GRIP1: variants seen among roughly 807,000 people sequenced by gnomAD.
GRIP1 encodes the protein glutamate receptor-interacting protein 1.
GRIP1 carries 45 observed loss-of-function variants against 129.9 expected under a neutral mutation model. The observed-to-expected ratio is 0.35, with a 90% CI of 0.27 to 0.44. The LOEUF is 0.44. Ranked by LOEUF, GRIP1 falls within the 20% of genes least tolerant of loss-of-function variation. The pLI is 1.00. For missense variants in GRIP1, 1,196 were observed against 1,396.8 expected (o/e 0.86, Z 2.29); for synonymous variants, 530 against 520.8 (o/e 1.02, Z -0.24).
intron 1 of GRIP1, among the ~76,000 whole-genome samples, chr12:66,625,258 C>T (rs1283646302): frequency 6.6e-6 from 1 of 152,132 alleles, no homozygotes; most frequent in Non-Finnish European, 1.5e-5. Flanking sequence ...TTATCATTTA[C>T]ATTATTGTCT....
chr12:66,704,740 A>C (rs2035469514), intron 1 of GRIP1, among the ~76,000 whole-genome samples: 1 of 152,076 alleles, frequency 6.6e-6, no homozygotes, highest in Non-Finnish European at 1.5e-5. Context: ...ATTTATCCTA[A>C]AGAAACACAG....
intron 16 of GRIP1, among the ~76,000 whole-genome samples, chr12:66,397,766 T>G (rs1443530022): frequency 6.6e-6 from 1 of 152,194 alleles, no homozygotes; most frequent in Non-Finnish European, 1.5e-5. Context: ...GAAACCAGAC[T>G]GAGAGTGGAG....
chr12:67,043,059 G>A (rs1345765847), intron 1 of GRIP1, among the ~76,000 whole-genome samples: 2 of 152,110 alleles, frequency 1.3e-5, no homozygotes, highest in Non-Finnish European at 2.9e-5. Context: ...GAGTAGATAA[G>A]GGCTGGCAGG....
intron 1 of GRIP1, among the ~76,000 whole-genome samples, chr12:66,764,959 C>T (rs1453358318): frequency 2.6e-5 from 4 of 152,260 alleles, no homozygotes; most frequent in East Asian, 1.9e-4. Context: ...ATTAGCTCAT[C>T]GAATCCTTAC....
At chr12:66,673,327 C>T (rs10878494) in intron 1 of GRIP1, among the ~76,000 whole-genome samples, 30,258 of 152,146 alleles carry the variant, frequency 0.2, 3,303 homozygotes, top group South Asian at 0.3. Context: ...ATCCTTATTT[C>T]CATTCTTCCT....
chr12:66,351,193 A>G (rs1263633177), intron 24 of GRIP1, among the ~76,000 whole-genome samples: 2 of 152,230 alleles, frequency 1.3e-5, no homozygotes, highest in East Asian at 1.9e-4. Flanking sequence ...TTCAGCGAAC[A>G]CATCCCTGAA....
intron 2 of GRIP1, among the ~76,000 whole-genome samples, chr12:66,575,031 GAA>G (rs2063096923): frequency 6.6e-6 from 1 of 151,824 alleles, no homozygotes; most frequent in African/African-American, 2.4e-5. Context: ...CTCAGCCTCC[GAA>G]AGTATTGGGA....
At chr12:66,486,469 C>A (rs1028399512) in intron 7 of GRIP1, among the ~76,000 whole-genome samples, 1 of 152,066 alleles carries the variant, frequency 6.6e-6, no homozygotes, top group South Asian at 2.1e-4. Context: ...GTGGGAGGAA[C>A]CTGGTGGGAG....
chr12:66,496,991 T>G (rs927128324), intron 7 of GRIP1, among the ~76,000 whole-genome samples: 2 of 152,192 alleles, frequency 1.3e-5, no homozygotes, highest in Non-Finnish European at 2.9e-5. Context: ...TACTACTACC[T>G]TTGGAGTTCT....
At chr12:66,435,447 G>A (rs934307774) in intron 13 of GRIP1, among the ~76,000 whole-genome samples, 8 of 152,176 alleles carry the variant, frequency 5.3e-5, no homozygotes, top group South Asian at 2.1e-4. Context: ...CAAGTGATCC[G>A]TCCACCTCAG....
Position 66,420,743 on chromosome 12 carries a change from G to T in GRIP1, c.1815C>A (p.Ile605=). Residue 605 remains isoleucine, a synonymous_variant, in exon 15 of 25, where the codon ATC becomes ATA. Coordinates refer to ENST00000359742, the MANE Select transcript of GRIP1 (RefSeq NM_001366722.1). ...ACCTGTGTGCCACACTCCCTTTCTT[G>T]ATATCTGAAATGACGAGGGGGTCTC... The part of the protein sequence containing the change: ...KPGDPLVISD[I]KKGSVAHRTG... The T allele has an allele frequency of 6.3e-7, 1 of 1,583,430 alleles. No individual in the cohort carries two copies. The highest frequency in any genetic ancestry group is 8.7e-7 in the Non-Finnish European group (1 of 1,151,790).
At chr12:66,650,857 C>A (rs1565942004) in intron 1 of GRIP1, among the ~76,000 whole-genome samples, 1 of 152,176 alleles carries the variant, frequency 6.6e-6, no homozygotes, top group Non-Finnish European at 1.5e-5. Context: ...GGCTCTGACA[C>A]CACACTGACC....
At chr12:67,038,451 T>C (rs1208321190) in intron 1 of GRIP1, among the ~76,000 whole-genome samples, 1 of 152,220 alleles carries the variant, frequency 6.6e-6, no homozygotes, top group Non-Finnish European at 1.5e-5. Context: ...TTTCACAATG[T>C]ACATTGATAT....
chr12:67,029,946 T>C (rs1469436750), intron 1 of GRIP1, among the ~76,000 whole-genome samples: 1 of 151,144 alleles, frequency 6.6e-6, no homozygotes, highest in Non-Finnish European at 1.5e-5. Context: ...ACGCCTGTAA[T>C]CCCAGCACTT....
At chr12:66,393,911 T>G (rs2056689686) in intron 17 of GRIP1, among the ~76,000 whole-genome samples, 1 of 152,192 alleles carries the variant, frequency 6.6e-6, no homozygotes, top group Non-Finnish European at 1.5e-5. Flanking sequence ...GAACTTTAGT[T>G]TCCTCCTCTC....
chr12:66,402,573 C>T (rs1446940766), intron 16 of GRIP1, among the ~76,000 whole-genome samples: 1 of 152,182 alleles, frequency 6.6e-6, no homozygotes, highest in Non-Finnish European at 1.5e-5. Flanking sequence ...CAAGTTCCAT[C>T]AAGTATAGTT....
intron 5 of GRIP1, among the ~76,000 whole-genome samples, chr12:66,520,849 T>C (rs2060979712): frequency 6.6e-6 from 1 of 152,236 alleles, no homozygotes; most frequent in Non-Finnish European, 1.5e-5. Context: ...TATATTTTGG[T>C]ACAGTGTTTC....
At chr12:66,853,197 T>C (rs1423636839) in intron 1 of GRIP1, among the ~76,000 whole-genome samples, 1 of 151,684 alleles carries the variant, frequency 6.6e-6, no homozygotes, top group Non-Finnish European at 1.5e-5. Flanking sequence ...AACGGAGATT[T>C]TAAATCCCTA....
At chr12:67,039,719 T>C (rs1445951302) in intron 1 of GRIP1, among the ~76,000 whole-genome samples, 1 of 152,164 alleles carries the variant, frequency 6.6e-6, no homozygotes, top group Admixed American at 6.5e-5. Context: ...TCTAGATAAA[T>C]GAAAACCTTT....
Sources: allele counts gnomAD v4.1 joint callset (sites outside exome capture counted in the v4.1 genomes callset), GRCh38; gene constraint gnomAD v4.1.1; transcripts MANE v1.5; gene names NCBI Gene and HGNC (gene_info 2026-07-23, HGNC 2026-07-21).